TMPRSS11D: variants seen among roughly 807,000 people sequenced by gnomAD.
TMPRSS11D encodes the protein transmembrane serine protease 11D.
A neutral mutation model predicts 44.4 loss-of-function variants in TMPRSS11D; 32 were observed. The observed-to-expected ratio is 0.72, with a 90% CI of 0.54 to 0.97. The LOEUF is 0.97. Ranked by LOEUF, TMPRSS11D falls within the 50% of genes least tolerant of loss-of-function variation. The pLI is 0.00. For synonymous variants in TMPRSS11D, 179 were observed against 177.9 expected, an observed-to-expected ratio of 1.01 and a Z score of -0.05; for missense variants, 446 against 502.6, an observed-to-expected ratio of 0.89 and a Z score of 1.08.
At chr4:67,851,041 G>A (rs1290171441) in intron 3 of TMPRSS11D, among the ~76,000 whole-genome samples, 2 of 152,138 alleles carry the variant, frequency 1.3e-5, no homozygotes, top group Non-Finnish European at 2.9e-5. Context: ...CCTGCCCAGG[G>A]CTATTTCTGC....
intron 1 of TMPRSS11D, among the ~76,000 whole-genome samples, chr4:67,873,009 G>A (rs187214088): frequency 3.0e-4 from 45 of 152,172 alleles, no homozygotes; most frequent in African/African-American, 1.0e-3. Flanking sequence ...TTTAAACCTG[G>A]TTGGACTCAT....
chr4:67,840,466 A>G (rs985682425), intron 4 of TMPRSS11D, among the ~76,000 whole-genome samples: 4 of 152,208 alleles, frequency 2.6e-5, no homozygotes, highest in Middle Eastern at 3.2e-3. Flanking sequence ...TAACAAAAAG[A>G]TTATCCTCAA....
At chr4:67,877,474 T>G (rs910770289) in intron 1 of TMPRSS11D, among the ~76,000 whole-genome samples, 2 of 152,292 alleles carry the variant, frequency 1.3e-5, no homozygotes, top group Admixed American at 6.5e-5. Flanking sequence ...AAATTACGCC[T>G]GAGAAACATT....
In TMPRSS11D at chr4:67,825,633, A is replaced by G. The variant is rs532646441; in HGVS notation, c.1095+99T>C. ...AAATTTTAGAGGAACAGGGCTGTGT[A>G]TTGTAACTGTTACACTTATGTCTAT... On this transcript the variant is annotated intron_variant, in intron 9 of 9. Transcript: ENST00000283916. The G allele has an allele frequency of 3.8e-6, 5 of 1,304,036 alleles. No homozygotes were observed. The Admixed American group carries it at 9.6e-5, about 25-fold the overall frequency. 80.8% of individuals were successfully genotyped at this position (1,304,036 alleles called of 1,614,324 possible). A position where few individuals can be genotyped will look rare whatever the true frequency, so the allele number is the denominator to read the frequency against.
At chr4:67,865,204 C>T (rs1325509751) in intron 1 of TMPRSS11D, among the ~76,000 whole-genome samples, 1 of 151,318 alleles carries the variant, frequency 6.6e-6, no homozygotes, top group African/African-American at 2.4e-5. Context: ...GAAATCAATA[C>T]CAGGAGGAAC....
chr4:67,841,840 C>A (rs942108359), intron 4 of TMPRSS11D, among the ~76,000 whole-genome samples: 3 of 152,130 alleles, frequency 2.0e-5, no homozygotes, highest in Non-Finnish European at 4.4e-5. Context: ...CTCCAGAGAA[C>A]AAGAATTAAT....
At chr4:67,842,135 G>A (rs1325689002) in intron 4 of TMPRSS11D, among the ~76,000 whole-genome samples, 1 of 152,106 alleles carries the variant, frequency 6.6e-6, no homozygotes, top group Admixed American at 6.6e-5. Flanking sequence ...TAGCACATCA[G>A]GCAGATAAAA....
At chr4:67,870,417 A>G (rs1000124363) in intron 1 of TMPRSS11D, among the ~76,000 whole-genome samples, 41 of 152,148 alleles carry the variant, frequency 2.7e-4, no homozygotes, top group African/African-American at 9.9e-4. Flanking sequence ...GTCTGCCTGG[A>G]ACACTCTTAC....
chr4:67,830,575 A>C (rs1305205447), intron 7 of TMPRSS11D, among the ~76,000 whole-genome samples: 1 of 152,086 alleles, frequency 6.6e-6, no homozygotes, highest in African/African-American at 2.4e-5. Flanking sequence ...CTGAGTTAAA[A>C]ATTTTGAAGA....
chr4:67,823,508 A>C (rs1003945039), intron 9 of TMPRSS11D, among the ~76,000 whole-genome samples: 1 of 152,114 alleles, frequency 6.6e-6, no homozygotes, highest in Non-Finnish European at 1.5e-5. Context: ...GTTTCCTCAT[A>C]TAATGTTTGT....
In TMPRSS11D at chr4:67,824,272, T is replaced by C. The variant is rs930409576; in HGVS notation, c.1095+1460A>G. ...AACTGGGCTTCAAGGAAGATAATAA[T>C]TTGTATGCACTGAAGGACAGAAGGT... On this transcript the variant is annotated intron_variant, in intron 9 of 9. Transcript: ENST00000283916. 2.6e-5 allele frequency among the ~76,000 whole-genome samples: 4 copies of C among 151,852 alleles called. No individual in the cohort carries two copies. In the South Asian group the frequency reaches 8.3e-4, roughly 31 times the overall value.
At chr4:67,854,637 T>C (rs1377122525) in intron 2 of TMPRSS11D, among the ~76,000 whole-genome samples, 2 of 152,230 alleles carry the variant, frequency 1.3e-5, no homozygotes, top group Non-Finnish European at 2.9e-5. Flanking sequence ...TTAGTTTTTC[T>C]GGAGTAAGCT....
At chr4:67,849,824 A>C (rs537576682) in intron 3 of TMPRSS11D, among the ~76,000 whole-genome samples, 1 of 152,274 alleles carries the variant, frequency 6.6e-6, no homozygotes, top group African/African-American at 2.4e-5. Context: ...TGATCCTTAG[A>C]TTTTGAGTCA....
rs1467734239 is a variant in TMPRSS11D at position 67,842,551 on chromosome 4, C to T, written c.317+7G>A. 6.2e-7 allele frequency: 1 copy of T among 1,611,044 alleles called. No homozygotes were observed. The highest frequency in any genetic ancestry group is 8.5e-7 in the Non-Finnish European group (1 of 1,178,732). On this transcript the variant is annotated splice_region_variant and intron_variant, in intron 4 of 9. Transcript: ENST00000283916. ...TACTTAAATATTTTTTCTACAGTTC[C>T]ACTCACCTCAGTTTGGCAACATGAG...
At chr4:67,876,723 C>G (rs895809399) in intron 1 of TMPRSS11D, among the ~76,000 whole-genome samples, 1 of 151,984 alleles carries the variant, frequency 6.6e-6, no homozygotes, top group Non-Finnish European at 1.5e-5. Flanking sequence ...TTTTTGCAAC[C>G]CAAGACATGG....
chr4:67,832,818 C>G (rs1248703406), intron 7 of TMPRSS11D, among the ~76,000 whole-genome samples: 1 of 151,852 alleles, frequency 6.6e-6, no homozygotes, highest in Middle Eastern at 3.4e-3. Flanking sequence ...TAACATTTAA[C>G]GTATGTTTAC....
intron 4 of TMPRSS11D, among the ~76,000 whole-genome samples, chr4:67,839,948 A>G (rs1290367148): frequency 6.6e-6 from 1 of 151,236 alleles, no homozygotes; most frequent in Non-Finnish European, 1.5e-5. Context: ...GTCATTTAGC[A>G]TTAGGTGTAT....
At chr4:67,864,857 G>A (rs1052771358) in intron 1 of TMPRSS11D, among the ~76,000 whole-genome samples, 5 of 151,738 alleles carry the variant, frequency 3.3e-5, no homozygotes, top group South Asian at 4.2e-4. Flanking sequence ...CAACACTAGA[G>A]CACCCATATT....
chr4:67,859,549 G>T lies in TMPRSS11D; in HGVS notation c.130+8C>A. 2.5e-6 allele frequency: 4 copies of T among 1,612,400 alleles called. No individual in the cohort carries two copies. Among genetic ancestry groups the T allele is most frequent in the Non-Finnish European group, 3.4e-6 (4 of 1,178,852 alleles). ...AAATCTGAAGAGTAATAATGTTCTG[G>T]TACTTACCAAAAGCTAAAAAGTAAA... is the stretch of plus-strand genomic sequence containing the variant. On this transcript the variant is annotated splice_region_variant and intron_variant, in intron 2 of 9. Coordinates refer to ENST00000283916, the MANE Select transcript of TMPRSS11D (RefSeq NM_004262.3).
Sources: gnomAD v4.1 joint callset for allele counts (sites outside exome capture counted in the v4.1 genomes callset) on GRCh38, gnomAD v4.1.1 for gene constraint, MANE v1.5 for transcripts, NCBI Gene and HGNC (gene_info 2026-07-23, HGNC 2026-07-21) for gene names.